Variants in IQSEC1 observed in about 807,000 individuals in gnomAD.
The protein encoded by IQSEC1 is IQ motif and SEC7 domain-containing protein 1.
Under a neutral mutation model 91.0 loss-of-function variants are expected in IQSEC1, and 31 were observed. The ratio of observed to expected loss-of-function variants is 0.34; its 90% confidence interval spans 0.26 to 0.46. The LOEUF (loss-of-function observed/expected upper bound fraction) is 0.46. IQSEC1 is among the 20% of genes least tolerant of loss of function. The probability of loss-of-function intolerance (pLI) is 1.00; values close to 1 mark genes in which losing one functional copy is unlikely to be tolerated. For missense variants in IQSEC1, 1,388 were observed against 1,575.6 expected (o/e 0.88, Z 2.02); for synonymous variants, 699 against 662.6 (o/e 1.05, Z -0.84).
At chr3:13,194,776 C>T (rs1488591685) in intron 1 of IQSEC1, among the ~76,000 whole-genome samples, 2 of 152,176 alleles carry the variant, frequency 1.3e-5, no homozygotes, top group Admixed American at 6.5e-5. Flanking sequence ...AATTACGGCA[C>T]CGAGGGACCT....
chr3:13,035,535 C>T (rs1384171012), intron 1 of IQSEC1, among the ~76,000 whole-genome samples: 2 of 152,176 alleles, frequency 1.3e-5, no homozygotes, highest in Admixed American at 6.5e-5. Flanking sequence ...AGAAAACCTG[C>T]CACTGATTGA....
rs965389878 is a variant in IQSEC1, at chr3:12,900,842, G to A, written c.*141C>T. On this transcript the variant is annotated 3_prime_UTR_variant, in exon 14 of 14. Transcript: ENST00000613206. ...CAACACCAGCCCTGTGGGCTCCTGG[G>A]GCTCCGGTTGGGCCGTGAGGGGCAG... is the stretch of plus-strand genomic sequence containing the variant. 2.6e-6 allele frequency: 4 copies of A among 1,518,660 alleles called. No individual in the cohort carries two copies. Among genetic ancestry groups the A allele is most frequent in the Non-Finnish European group, 3.5e-6 (4 of 1,138,556 alleles). 94.1% of individuals were successfully genotyped at this position (1,518,660 alleles called of 1,614,324 possible). A position where few individuals can be genotyped will look rare whatever the true frequency, so the allele number is the denominator to read the frequency against.
intron 4 of IQSEC1, among the ~76,000 whole-genome samples, chr3:12,923,353 A>T (rs1198641390): frequency 6.6e-6 from 1 of 152,156 alleles, no homozygotes; most frequent in Non-Finnish European, 1.5e-5. Flanking sequence ...CAAGGAGCTC[A>T]TGGGCTTTCC....
Position 12,922,652 on chromosome 3 carries a change from A to G in IQSEC1, c.1731-410T>C, listed in dbSNP as rs376278033. ...TTTGCTGCCATTTTCACAGTGAGGA[A>G]AGGGGCGCCCAGGGTGTTGACTTTC... On this transcript the variant is annotated intron_variant, in intron 4 of 13. Transcript: ENST00000613206. The surrounding 1 kb of genome is among the most constrained non-coding windows in gnomAD (Gnocchi z 5.1). Among the ~76,000 whole-genome samples, 1 of 152,198 alleles carries G rather than the reference A, an allele frequency of 6.6e-6. No individual in the cohort carries two copies. Among genetic ancestry groups the G allele is most frequent in the East Asian group, 1.9e-4 (1 of 5,158 alleles).
At chr3:13,019,376 G>A (rs1318154569) in intron 1 of IQSEC1, among the ~76,000 whole-genome samples, 2 of 152,254 alleles carry the variant, frequency 1.3e-5, no homozygotes, top group East Asian at 3.9e-4. Context: ...ATGGGACCCA[G>A]CCAGGGGCAA....
At chr3:12,938,545 A>G (rs1395489328) in intron 2 of IQSEC1, among the ~76,000 whole-genome samples, 1 of 152,176 alleles carries the variant, frequency 6.6e-6, no homozygotes, top group Non-Finnish European at 1.5e-5. Flanking sequence ...TCGCCCTGTT[A>G]CTGAACGCCA....
At position 12,900,275 on chromosome 3, in the gene IQSEC1, T is replaced by C. The variant is rs889597001; in HGVS notation, c.*708A>G. The C allele has an allele frequency of 6.8e-5, 67 of 985,154 alleles. No individual in the cohort carries two copies. In the African/African-American group the frequency reaches 1.1e-3, roughly 16 times the overall value. 61.0% of individuals were successfully genotyped at this position (985,154 alleles called of 1,614,324 possible). A position where few individuals can be genotyped will look rare whatever the true frequency, so the allele number is the denominator to read the frequency against. On this transcript the variant is annotated 3_prime_UTR_variant, in exon 14 of 14. Coordinates refer to ENST00000613206, the MANE Select transcript of IQSEC1 (RefSeq NM_001134382.3). ...TTTAGCCAGTCCTAGAGGGACTTCT[T>C]TGTATGAAAATATGAAGTATCTGAA...
At chr3:13,257,982 A>G (rs1559287998) in intron 1 of IQSEC1, among the ~76,000 whole-genome samples, 1 of 152,266 alleles carries the variant, frequency 6.6e-6, no homozygotes, top group African/African-American at 2.4e-5. Context: ...AATATTATTC[A>G]GTGCTAAAAA....
chr3:12,939,224 A>C (rs1395540887), intron 2 of IQSEC1, among the ~76,000 whole-genome samples: 1 of 152,250 alleles, frequency 6.6e-6, no homozygotes, highest in Non-Finnish European at 1.5e-5. Flanking sequence ...TCCTGGATAG[A>C]GGAGTCGACC....
chr3:13,082,388 G>C (rs1705659461), intron 2 of IQSEC1, among the ~76,000 whole-genome samples: 1 of 152,208 alleles, frequency 6.6e-6, no homozygotes, highest in African/African-American at 2.4e-5. Flanking sequence ...TCAGGTCAGG[G>C]CTGGGGAGGA....
At chr3:13,138,625 G>T (rs1307718453) in intron 2 of IQSEC1, among the ~76,000 whole-genome samples, 1 of 152,124 alleles carries the variant, frequency 6.6e-6, no homozygotes, top group Non-Finnish European at 1.5e-5. Flanking sequence ...GGCCAGGGAG[G>T]GGCCCATGAT....
At chr3:13,127,925 A>G (rs529671581) in intron 2 of IQSEC1, among the ~76,000 whole-genome samples, 7 of 152,266 alleles carry the variant, frequency 4.6e-5, no homozygotes, top group Admixed American at 1.3e-4. Context: ...TGAAACAATT[A>G]TAAATGGTAT....
At position 13,031,905 on chromosome 3, in the gene IQSEC1, C is replaced by T. The variant is rs1012965072; in HGVS notation, c.23+41087G>A. On this transcript the variant is annotated intron_variant, in intron 1 of 13. Transcript: ENST00000613206. Reference sequence around the variant, plus strand: ...GTCTAGGGTAGAGAACTTCATGAGCCCCTGCAGCCAGCCCTCAGCAACCTC... The same window carrying T: ...GTCTAGGGTAGAGAACTTCATGAGCTCCTGCAGCCAGCCCTCAGCAACCTC... Among the ~76,000 whole-genome samples the T allele has an allele frequency of 3.9e-5, 6 of 152,018 alleles. No individual in the cohort carries two copies. In the East Asian group the frequency reaches 5.8e-4, roughly 15 times the overall value.
At chr3:13,234,527 C>A (rs969551394) in intron 1 of IQSEC1, among the ~76,000 whole-genome samples, 2 of 152,038 alleles carry the variant, frequency 1.3e-5, no homozygotes, top group African/African-American at 4.8e-5. Flanking sequence ...CTTCTAAGTA[C>A]CCCCCTACCC....
rs377129207 is a variant in IQSEC1, at chr3:13,044,581, T to C, written c.23+28411A>G. Among the ~76,000 whole-genome samples the C allele has an allele frequency of 1.7e-3, 259 of 152,308 alleles. 1 individual carries two copies. Among genetic ancestry groups the C allele is most frequent in the African/African-American group, 5.3e-3 (222 of 41,570 alleles). On this transcript the variant is annotated intron_variant, in intron 1 of 13. Transcript: ENST00000613206. ...CGCAAGACACCCCAACTTGGGCTGA[T>C]AACTGGGGGCAGGCAGGGGAGAGGC...
intron 2 of IQSEC1, among the ~76,000 whole-genome samples, chr3:13,150,312 T>C (rs1028137520): frequency 3.9e-5 from 6 of 152,220 alleles, no homozygotes; most frequent in Non-Finnish European, 5.9e-5. Context: ...CTCCTCACAG[T>C]GAGCGTTCAG....
At chr3:13,021,809 T>TGAACGTGTGCTCTGGATCCCAGCC (rs936628830) in intron 1 of IQSEC1, among the ~76,000 whole-genome samples, 5 of 152,190 alleles carry the variant, frequency 3.3e-5, no homozygotes, top group Non-Finnish European at 7.3e-5. Context: ...GTTCCTTTCC[T>TGAACGTGTGCTCTGGATCCCAGCC]GAACGTGTGC....
chr3:13,132,620 G>A (rs1446334353), intron 2 of IQSEC1, among the ~76,000 whole-genome samples: 2 of 152,136 alleles, frequency 1.3e-5, no homozygotes, highest in Non-Finnish European at 2.9e-5. Context: ...GCTGTGACCT[G>A]AACACTCCCC....
intron 1 of IQSEC1, among the ~76,000 whole-genome samples, chr3:13,231,284 T>A (rs1237515671): frequency 9.9e-5 from 15 of 152,230 alleles, no homozygotes; most frequent in Non-Finnish European, 2.9e-5. Flanking sequence ...TGTGTCTGTG[T>A]GTGTGCCCAC....
Sources: gnomAD v4.1 joint callset for allele counts (sites outside exome capture counted in the v4.1 genomes callset) on GRCh38, gnomAD v4.1.1 for gene constraint, Gnocchi (gnomAD v3.1) non-coding constraint, MANE v1.5 for transcripts, NCBI Gene and HGNC (gene_info 2026-07-23, HGNC 2026-07-21) for gene names.